Variants in SLC29A1 observed in about 807,000 individuals in gnomAD.
The protein encoded by SLC29A1 is equilibrative nucleoside transporter 1.
Under a neutral mutation model 48.3 loss-of-function variants are expected in SLC29A1, and 22 were observed. The ratio of observed to expected loss-of-function variants is 0.46; its 90% CI spans 0.33 to 0.65. SLC29A1 has a LOEUF of 0.65. Ranked by LOEUF, SLC29A1 falls within the 30% of genes least tolerant of loss-of-function variation. SLC29A1 has a pLI of 0.03. For missense variants in SLC29A1, 491 were observed against 575.3 expected, an observed-to-expected ratio of 0.85 and a Z score of 1.50; for synonymous variants, 228 against 231.0, an observed-to-expected ratio of 0.99 and a Z score of 0.12.
chr6:44,229,964 G>T lies in SLC29A1; in HGVS notation c.372G>T (p.Leu124=). 6.2e-7 allele frequency: 1 copy of T among 1,613,344 alleles called. No homozygotes were observed. The highest frequency in any genetic ancestry group is 8.5e-7 in the Non-Finnish European group (1 of 1,180,032). Residue 124 remains leucine, a synonymous_variant, in exon 5 of 13, where the codon CTG becomes CTT. Coordinates refer to ENST00000371755, the MANE Select transcript of SLC29A1 (RefSeq NM_001372327.1). The surrounding 1 kb of genome is among the most constrained non-coding windows in gnomAD (Gnocchi z 5.1). ...TGGTGGCCATCCTGCTGGTGTTTCTGATCACTGCCATCCTGGTGAAGGTGC... is the reference window on the plus strand; with the variant it reads ...TGGTGGCCATCCTGCTGGTGTTTCTTATCACTGCCATCCTGGTGAAGGTGC... The part of the protein sequence containing the change: ...GSLVAILLVF[L]ITAILVKVQL...
chr6:44,223,618 G>C lies in SLC29A1; in HGVS notation c.-75G>C. 1 of 1,214,008 alleles carries C rather than the reference G, an allele frequency of 8.2e-7. No homozygotes were observed. Among genetic ancestry groups the C allele is most frequent in the Non-Finnish European group, 1.1e-6 (1 of 951,600 alleles). The allele number at this position is 1,214,008 out of a possible 1,614,324, so 75.2% of individuals were successfully genotyped here. On this transcript the variant is annotated 5_prime_UTR_variant, in exon 1 of 13. Coordinates refer to ENST00000371755, the MANE Select transcript of SLC29A1 (RefSeq NM_001372327.1). The surrounding 1 kb of genome is among the most constrained non-coding windows in gnomAD (Gnocchi z 5.0). ...GCAGCGAGAGCGCGCGGATCTCAGC[G>C]CGGGAGCAGTGCTTCTGCGGCAGGT...
In SLC29A1 at chr6:44,227,030, C is replaced by T. The variant is rs368325114; in HGVS notation, c.-51-233C>T. 1.9e-3 allele frequency: 2,509 copies of T among 1,295,198 alleles called. 28 individuals carry two copies. The South Asian group carries it at 0.024, about 12-fold the overall frequency. 80.2% of individuals were successfully genotyped at this position (1,295,198 alleles called of 1,614,324 possible). Reference sequence around the variant, plus strand: ...AAAATAGCGGTGGCAGCGGCCAGGCCGGGAGCCAGGTAGAGTCTGAGCAGG... The same window carrying T: ...AAAATAGCGGTGGCAGCGGCCAGGCTGGGAGCCAGGTAGAGTCTGAGCAGG... On this transcript the variant is annotated intron_variant, in intron 1 of 12. Coordinates refer to ENST00000371755, the MANE Select transcript of SLC29A1 (RefSeq NM_001372327.1).
rs1168516816 is a variant in SLC29A1, at chr6:44,227,249, C to G, written c.-51-14C>G. The G allele has an allele frequency of 6.2e-7, 1 of 1,611,396 alleles. No individual in the cohort carries two copies. Among genetic ancestry groups the G allele is most frequent in the Non-Finnish European group, 8.5e-7 (1 of 1,178,438 alleles). ...GGCCAAGACAGGGCCTCACACTGTT[C>G]CTGCCCCCAGCAGGCCCCTGAGGGA... is the stretch of plus-strand genomic sequence containing the variant. On this transcript the variant is annotated splice_polypyrimidine_tract_variant and intron_variant, in intron 1 of 12. Transcript: ENST00000371755.
chr6:44,230,623 T>A lies in SLC29A1; in HGVS notation c.645T>A (p.Val215=), dbSNP rs774731401. ...AFGYFITACA[V]IILTIICYLG... ...GCTACTTTATCACAGCCTGTGCTGT[T>A]ATCATTTTGACCATCATCTGTTACC... Residue 215 remains valine (V), a synonymous_variant, in exon 7 of 13, where the codon GTT becomes GTA. Transcript: ENST00000371755. The A allele has an allele frequency of 6.2e-7, 1 of 1,613,352 alleles. No homozygotes were observed. The highest frequency in any genetic ancestry group is 1.1e-5 in the South Asian group (1 of 91,060).
chr6:44,229,902 GGCAGGA>G lies in SLC29A1; in HGVS notation c.315-4_316del. 1 of 1,612,556 alleles carries G rather than the reference GGCAGGA, an allele frequency of 6.2e-7. No individual in the cohort carries two copies. ...GTCTCTGCCACCCTTGGCCTCTCCCGGCAGGATCCCCCAGTCCGTACGGATCCTGGG... is the reference window on the plus strand; with the variant it reads ...GTCTCTGCCACCCTTGGCCTCTCCCGTCCCCCAGTCCGTACGGATCCTGGG... On this transcript the variant is annotated splice_acceptor_variant and splice_polypyrimidine_tract_variant and coding_sequence_variant and intron_variant, in exon 5 of 13. Transcript: ENST00000371755. LOFTEE classifies it high-confidence loss of function. This position sits in a 1 kb window ranked among gnomAD's most constrained non-coding sequence, Gnocchi z 5.1.
intron 12 of SLC29A1, 76 bp from the exon 13 acceptor site, chr6:44,233,341 C>A: frequency 1.6e-6 from 2 of 1,246,486 alleles, no homozygotes; most frequent in Non-Finnish European, 2.4e-6. Flanking sequence ...CTCCACCCCA[C>A]CCCTCCTTCC....
At position 44,229,718 on chromosome 6, in the gene SLC29A1, A is replaced by G. The variant is rs991188435; in HGVS notation, c.241A>G (p.Asn81Asp). Reference protein sequence around the residue: ...PERNSLSAIFNNVMTLCAMLP... With the variant: ...PERNSLSAIFDNVMTLCAMLP... The stretch of plus-strand genomic sequence containing the variant: ...GCGGAACTCTCTCAGTGCCATCTTC[A>G]ACAATGTCATGACCCTATGTGCCAT... The change falls in exon 4 of 13, where the codon AAC becomes GAC. Residue 81 changes from asparagine to aspartate, a missense_variant. Asn to Asp is a conservative substitution (Grantham distance 23, BLOSUM62 1). Transcript: ENST00000371755. This position sits in a 1 kb window ranked among gnomAD's most constrained non-coding sequence, Gnocchi z 5.1. 6.2e-7 allele frequency: 1 copy of G among 1,613,854 alleles called. No homozygotes were observed. The highest frequency in any genetic ancestry group is 1.3e-5 in the African/African-American group (1 of 74,916).
chr6:44,227,263 G>T lies in SLC29A1; in HGVS notation c.-51G>T, dbSNP rs768395652. 2 of 1,613,096 alleles carry T rather than the reference G, an allele frequency of 1.2e-6. No homozygotes were observed. The highest frequency in any genetic ancestry group is 2.2e-5 in the East Asian group (1 of 44,844). On this transcript the variant is annotated splice_region_variant and 5_prime_UTR_variant, in exon 2 of 13. Coordinates refer to ENST00000371755, the MANE Select transcript of SLC29A1 (RefSeq NM_001372327.1). ...CTCACACTGTTCCTGCCCCCAGCAG[G>T]CCCCTGAGGGAGGGAGCTGTCAGCC...
intron 9 of SLC29A1, 119 bp downstream of exon 9, chr6:44,231,580 C>A: frequency 1.4e-6 from 1 of 715,706 alleles, no homozygotes; most frequent in Non-Finnish European, 2.5e-6. Context: ...CTCCTGGATT[C>A]TTTTGTGTGT....
At chr6:44,220,610 C>T (rs1475902897), upstream of SLC29A1, among the ~76,000 whole-genome samples, 8 of 148,418 alleles carry the variant, frequency 5.4e-5, no homozygotes, top group Non-Finnish European at 1.0e-4. Flanking sequence ...GTCAGGAGTT[C>T]GAGACCAGCC....
rs1390841383 is a variant in SLC29A1 at position 44,231,426 on chromosome 6, A to G, written c.829A>G (p.Asn277Asp). The G allele has an allele frequency of 3.7e-6, 6 of 1,607,600 alleles. No individual in the cohort carries two copies. Among genetic ancestry groups the G allele is most frequent in the Non-Finnish European group, 5.1e-6 (6 of 1,176,056 alleles). ...TTCAGTCTCCAACTCTCAGCCCACC[A>G]ATGAAAGCCACTCTATCAAAGCCAT... Reference protein sequence around the residue: ...GVSVSNSQPTNESHSIKAILK... With the variant: ...GVSVSNSQPTDESHSIKAILK... The change falls in exon 9 of 13, where the codon AAT becomes GAT. Residue 277 changes from asparagine (N) to aspartate (D), a missense_variant. Transcript: ENST00000371755.
At chr6:44,222,785 G>A (rs1776607630), upstream of SLC29A1, among the ~76,000 whole-genome samples, 1 of 152,214 alleles carries the variant, frequency 6.6e-6, no homozygotes, top group African/African-American at 2.4e-5. Context: ...TGGGACAATA[G>A]GATTCACTGA....
Position 44,227,041 on chromosome 6 carries a change from TAG to T in SLC29A1, c.-51-219_-51-218del, listed in dbSNP as rs779670317. On this transcript the variant is annotated intron_variant, in intron 1 of 12. Coordinates refer to ENST00000371755, the MANE Select transcript of SLC29A1 (RefSeq NM_001372327.1). ...GGCAGCGGCCAGGCCGGGAGCCAGG[TAG>T]AGTCTGAGCAGGCAGGGGGGCCGCG... The T allele has an allele frequency of 6.8e-6, 9 of 1,323,172 alleles. No individual in the cohort carries two copies. The East Asian group carries it at 9.0e-5, about 13-fold the overall frequency. 82.0% of individuals were successfully genotyped at this position (1,323,172 alleles called of 1,614,324 possible).
Position 44,230,820 on chromosome 6 carries a change from C to T in SLC29A1, c.697C>T (p.Arg233Cys), listed in dbSNP as rs776811756. 25 of 1,613,604 alleles carry T rather than the reference C, an allele frequency of 1.5e-5. No individual in the cohort carries two copies. In the East Asian group the frequency reaches 2.0e-4, roughly 13 times the overall value. ...CTCCCTTACTTGATAGGAATTCTACCGCTACTACCAGCAGCTCAAGCTTGA... is the reference window on the plus strand; with the variant it reads ...CTCCCTTACTTGATAGGAATTCTACTGCTACTACCAGCAGCTCAAGCTTGA... The part of the protein sequence containing the change: ...YLGLPRLEFY[R>C]YYQQLKLEGP... The change falls in exon 8 of 13, where the codon CGC becomes TGC. Residue 233 changes from arginine (R) to cysteine (C), a missense_variant. Physicochemically the swap from Arg to Cys is radical, Grantham distance 180 (BLOSUM62 -3). Transcript: ENST00000371755.
At position 44,232,840 on chromosome 6, in the gene SLC29A1, G is replaced by A. The variant is rs1779205189; in HGVS notation, c.1093G>A (p.Val365Met). The change falls in exon 12 of 13, where the codon GTG (valine) becomes ATG (methionine). Residue 365 changes from valine to methionine, a missense_variant. Transcript: ENST00000371755. This position sits in a 1 kb window ranked among gnomAD's most constrained non-coding sequence, Gnocchi z 4.7. ...GGACAGCCGCTGGCTGCCAAGCCTG[G>A]TGCTGGCCCGGCTGGTGTTTGTGCC... Reference protein sequence around the residue: ...GKDSRWLPSLVLARLVFVPLL... With the variant: ...GKDSRWLPSLMLARLVFVPLL... 1 of 1,613,270 alleles carries A rather than the reference G, an allele frequency of 6.2e-7. No individual in the cohort carries two copies. Among genetic ancestry groups the A allele is most frequent in the South Asian group, 1.1e-5 (1 of 91,076 alleles).
At position 44,230,413 on chromosome 6, in the gene SLC29A1, C is replaced by A; in HGVS notation, c.521C>A (p.Ala174Asp). 1 of 1,614,068 alleles carries A rather than the reference C, an allele frequency of 6.2e-7. No individual in the cohort carries two copies. Among genetic ancestry groups the A allele is most frequent in the Non-Finnish European group, 8.5e-7 (1 of 1,179,982 alleles). ...GGCCTTCTGCCTGCCAGCTACACGGCCCCCATCATGAGTGGCCAGGGCCTA... is the reference window on the plus strand; with the variant it reads ...GGCCTTCTGCCTGCCAGCTACACGGACCCCATCATGAGTGGCCAGGGCCTA... ...LAGLLPASYTAPIMSGQGLAG... is the reference protein window; with the variant it reads ...LAGLLPASYTDPIMSGQGLAG... Residue 174 changes from alanine to aspartate, a missense_variant, in exon 6 of 13, where the codon GCC (alanine) becomes GAC (aspartate). Ala to Asp is a moderately radical substitution (Grantham distance 126). Transcript: ENST00000371755.
intron 1 of SLC29A1, chr6:44,225,643 G>C (rs139568450): frequency 6.6e-6 from 1 of 152,304 alleles, no homozygotes; most frequent in East Asian, 1.9e-4. Context: ...ACAGTGCCTG[G>C]CTAGCATGCA....
At chr6:44,233,297 T>C (rs1379961961) in intron 12 of SLC29A1, 120 bp from the exon 13 acceptor site, 3 of 889,368 alleles carry the variant, frequency 3.4e-6, no homozygotes, top group African/African-American at 3.3e-5. Context: ...CCAGGATGGG[T>C]TGATCAACAG....
chr6:44,228,490 G>C (rs1022956972), intron 2 of SLC29A1, among the ~76,000 whole-genome samples: 3 of 152,226 alleles, frequency 2.0e-5, no homozygotes, highest in Non-Finnish European at 4.4e-5. Context: ...TATGAGGCCT[G>C]CCAGCGGTCC....
Sources: gnomAD v4.1 joint callset for allele counts (sites outside exome capture counted in the v4.1 genomes callset) on GRCh38, gnomAD v4.1.1 for gene constraint, Gnocchi (gnomAD v3.1) non-coding constraint, MANE v1.5 for transcripts, NCBI Gene and HGNC (gene_info 2026-07-23, HGNC 2026-07-21) for gene names.